CDC42SE2: variants seen among roughly 807,000 people sequenced by gnomAD.
CDC42SE2 encodes the protein CDC42 small effector 2.
CDC42SE2 carries 3 observed loss-of-function variants against 11.5 expected under a neutral mutation model. That is an observed-to-expected ratio of 0.26 (90% CI 0.12 to 0.67). The LOEUF is 0.67. Among genes scored for constraint, CDC42SE2 ranks in the 30% least tolerant of loss-of-function variants. The pLI, the probability that CDC42SE2 is intolerant of heterozygous loss-of-function variation, is 0.80. For missense variants in CDC42SE2, 82 were observed against 106.8 expected (o/e 0.77, Z 1.02); for synonymous variants, 33 against 34.8 (o/e 0.95, Z 0.18).
At chr5:131,367,043 A>T (rs1440128239) in intron 3 of CDC42SE2, among the ~76,000 whole-genome samples, 4 of 150,954 alleles carry the variant, frequency 2.6e-5, no homozygotes, top group South Asian at 2.1e-4. Flanking sequence ...CAAATTTTTT[A>T]TATATATATA....
the CDC42SE2 span, among the ~76,000 whole-genome samples, chr5:131,211,043 G>T: frequency 6.6e-6 from 1 of 152,178 alleles, no homozygotes; most frequent in Non-Finnish European, 1.5e-5. Flanking sequence ...TTGCCATGTA[G>T]GCTAGGCCAT....
rs1445257169 is a variant in CDC42SE2, at chr5:131,314,317, G to A, written c.-454-1659G>A. 5.3e-5 allele frequency among the ~76,000 whole-genome samples: 8 copies of A among 149,682 alleles called. No homozygotes were observed. The East Asian group carries it at 1.2e-3, about 22-fold the overall frequency. On this transcript the variant is annotated intron_variant, in intron 1 of 4. Coordinates refer to ENST00000505065, the MANE Select transcript of CDC42SE2 (RefSeq NM_001375635.1). ...CACAATCATAGCTCACTGTAACCTCGAACTCTTGGGCTCAAGTAATCCTCC... is the reference window on the plus strand; with the variant it reads ...CACAATCATAGCTCACTGTAACCTCAAACTCTTGGGCTCAAGTAATCCTCC...
intron 1 of CDC42SE2, among the ~76,000 whole-genome samples, chr5:131,288,048 G>T (rs556971800): frequency 1.3e-4 from 20 of 151,916 alleles, no homozygotes; most frequent in Non-Finnish European, 2.5e-4. Flanking sequence ...GTTTGAGACC[G>T]GCCTGGGCAA....
intron 2 of CDC42SE2, among the ~76,000 whole-genome samples, chr5:131,257,768 G>A (rs1026652739): frequency 2.0e-5 from 3 of 152,052 alleles, no homozygotes; most frequent in African/African-American, 4.8e-5. Context: ...GTAAGCCACC[G>A]CGCTCGGCCC....
intron 1 of CDC42SE2, among the ~76,000 whole-genome samples, chr5:131,310,197 G>A (rs905037312): frequency 1.1e-4 from 16 of 151,658 alleles, no homozygotes; most frequent in Non-Finnish European, 1.8e-4. Flanking sequence ...CCTTCATTTT[G>A]TTATGTACCC....
intron 1 of CDC42SE2, among the ~76,000 whole-genome samples, chr5:131,290,762 G>T (rs1417394022): frequency 1.3e-5 from 2 of 152,012 alleles, no homozygotes; most frequent in African/African-American, 4.8e-5. Context: ...TTATAGGCAT[G>T]AGCCACCATG....
the CDC42SE2 span, among the ~76,000 whole-genome samples, chr5:131,228,180 C>A: frequency 4.6e-5 from 7 of 152,098 alleles, no homozygotes; most frequent in African/African-American, 1.7e-4. Flanking sequence ...GCACTCCAGC[C>A]TGGGAGACAG....
At chr5:131,361,729 A>G (rs1334515273) in intron 3 of CDC42SE2, among the ~76,000 whole-genome samples, 2 of 152,066 alleles carry the variant, frequency 1.3e-5, no homozygotes, top group Non-Finnish European at 2.9e-5. Flanking sequence ...CTCTCTGTCG[A>G]TGAGGGAGCC....
At chr5:131,355,980 C>G (rs1422631517) in intron 2 of CDC42SE2, among the ~76,000 whole-genome samples, 2 of 152,180 alleles carry the variant, frequency 1.3e-5, no homozygotes, top group Non-Finnish European at 2.9e-5. Context: ...TCATGTCAGT[C>G]TCATTTGTAA....
Position 131,337,641 on chromosome 5 carries a change from TG to T in CDC42SE2, c.-286+21498del, listed in dbSNP as rs376064900. On this transcript the variant is annotated intron_variant, in intron 2 of 4. Coordinates refer to ENST00000505065, the MANE Select transcript of CDC42SE2 (RefSeq NM_001375635.1). ...CCCAGTTCGAGCTTCCAGGCTGCTTTGTTTACCTACTCAAGCCTGAGCAATG... is the reference window on the plus strand; with the variant it reads ...CCCAGTTCGAGCTTCCAGGCTGCTTTTTTACCTACTCAAGCCTGAGCAATG... Among the ~76,000 whole-genome samples, 15 of 152,320 alleles carry T rather than the reference TG, an allele frequency of 9.8e-5. No homozygotes were observed. In the East Asian group the frequency reaches 2.9e-3, roughly 29 times the overall value.
chr5:131,331,759 TC>T (rs1758423585), intron 2 of CDC42SE2, among the ~76,000 whole-genome samples: 1 of 152,224 alleles, frequency 6.6e-6, no homozygotes, highest in Non-Finnish European at 1.5e-5. Flanking sequence ...GAGAAATAGT[TC>T]ATGTTCTTTG....
the CDC42SE2 span, among the ~76,000 whole-genome samples, chr5:131,220,250 A>T: frequency 6.6e-6 from 1 of 152,164 alleles, no homozygotes; most frequent in African/African-American, 2.4e-5. Context: ...TCTGTCCCCC[A>T]GGCTGGAGTG....
the CDC42SE2 span, among the ~76,000 whole-genome samples, chr5:131,236,429 T>G: frequency 6.6e-6 from 1 of 152,086 alleles, no homozygotes; most frequent in African/African-American, 2.4e-5. Context: ...TTACTTATTA[T>G]TATTATTATT....
At chr5:131,347,373 C>T (rs1041258863) in intron 2 of CDC42SE2, among the ~76,000 whole-genome samples, 1 of 152,148 alleles carries the variant, frequency 6.6e-6, no homozygotes, top group Non-Finnish European at 1.5e-5. Flanking sequence ...ATAAACACCT[C>T]TATGCAAATA....
chr5:131,321,741 G>A (rs1046475121), intron 2 of CDC42SE2, among the ~76,000 whole-genome samples: 11 of 151,856 alleles, frequency 7.2e-5, no homozygotes, highest in South Asian at 2.1e-4. Flanking sequence ...ATCATCAAGC[G>A]TCGTACTGGG....
chr5:131,340,955 G>A (rs1758697946), intron 2 of CDC42SE2, among the ~76,000 whole-genome samples: 1 of 152,138 alleles, frequency 6.6e-6, no homozygotes, highest in Admixed American at 6.5e-5. Context: ...GGTATTACAG[G>A]CACGAACCAC....
chr5:131,223,592 C>A, the CDC42SE2 span, among the ~76,000 whole-genome samples: 1 of 152,096 alleles, frequency 6.6e-6, no homozygotes, highest in Admixed American at 6.6e-5. Context: ...ATCCTAATTC[C>A]TCTCACCCAG....
chr5:131,214,885 GC>G, the CDC42SE2 span, among the ~76,000 whole-genome samples: 14 of 152,172 alleles, frequency 9.2e-5, no homozygotes, highest in Non-Finnish European at 1.8e-4. Context: ...GGAAATAAAT[GC>G]CTGTTTCTGA....
intron 3 of CDC42SE2, among the ~76,000 whole-genome samples, chr5:131,360,542 T>C (rs995792202): frequency 6.6e-6 from 1 of 152,232 alleles, no homozygotes. Context: ...TTTTCTATTA[T>C]AGCATGGAAC....
Sources: gnomAD v4.1 joint callset for allele counts (sites outside exome capture counted in the v4.1 genomes callset) on GRCh38, gnomAD v4.1.1 for gene constraint, MANE v1.5 for transcripts, NCBI Gene and HGNC (gene_info 2026-07-23, HGNC 2026-07-21) for gene names.